The following MYCBP2 variants were observed in gnomAD, a reference collection of about 807,000 sequenced individuals.
MYCBP2 encodes the protein MYC binding protein 2.
MYCBP2 carries 120 observed loss-of-function variants against 525.3 expected under a neutral mutation model. The ratio of observed to expected loss-of-function variants is 0.23; its 90% CI spans 0.20 to 0.27. The LOEUF (loss-of-function observed/expected upper bound fraction) is 0.27, where lower values mean the gene tolerates loss of function less well. Ranked by LOEUF, MYCBP2 falls within the 10% of genes least tolerant of loss-of-function variation. The probability of loss-of-function intolerance (pLI) is 1.00; values close to 1 mark genes in which losing one functional copy is unlikely to be tolerated. For synonymous variants in MYCBP2, 1,894 were observed against 1,955.8 expected, an observed-to-expected ratio of 0.97 and a Z score of 0.83; for missense variants, 4,149 against 5,657.1, an observed-to-expected ratio of 0.73 and a Z score of 8.55.
At chr13:77,106,595 A>G (rs1286596563) in intron 55 of MYCBP2, among the ~76,000 whole-genome samples, 1 of 152,128 alleles carries the variant, frequency 6.6e-6, no homozygotes, top group Non-Finnish European at 1.5e-5. Context: ...CAGCAAAAAG[A>G]ATCTTTGGCA....
intron 63 of MYCBP2, 54 bp from the exon 64 acceptor site, chr13:77,082,047 T>A: frequency 6.5e-7 from 1 of 1,535,136 alleles, no homozygotes; most frequent in South Asian, 1.2e-5. Flanking sequence ...CAGGAACATC[T>A]AAGGAACTCT....
At chr13:77,186,087 G>A in intron 30 of MYCBP2, 24 bp from the exon 31 acceptor site, 2 of 1,490,816 alleles carry the variant, frequency 1.3e-6, no homozygotes, top group South Asian at 1.4e-5. Flanking sequence ...TGAAAAAACA[G>A]ACAACAATTA....
At chr13:77,102,578 A>C (rs1216661562) in intron 55 of MYCBP2, among the ~76,000 whole-genome samples, 4 of 151,466 alleles carry the variant, frequency 2.6e-5, no homozygotes, top group Non-Finnish European at 5.9e-5. Context: ...ACATATTTTT[A>C]AATTGTCTGA....
chr13:77,081,340 G>T lies in MYCBP2; in HGVS notation c.11418+87C>A. 1 of 1,132,586 alleles carries T rather than the reference G, an allele frequency of 8.8e-7. No homozygotes were observed. The highest frequency in any genetic ancestry group is 1.3e-6 in the Non-Finnish European group (1 of 776,064). The allele number at this position is 1,132,586 out of a possible 1,614,324, so 70.2% of individuals were successfully genotyped here. ...GGTTGGTGAAATTCCAGGTGATAAAGCTTGTTGCTAAATTCAGAAATGAAA... is the reference window on the plus strand; with the variant it reads ...GGTTGGTGAAATTCCAGGTGATAAATCTTGTTGCTAAATTCAGAAATGAAA... On this transcript the variant is annotated intron_variant, in intron 65 of 82. Coordinates refer to ENST00000544440, the MANE Select transcript of MYCBP2 (RefSeq NM_015057.5). The surrounding 1 kb of genome is among the most constrained non-coding windows in gnomAD (Gnocchi z 4.6).
At chr13:77,286,369 C>T (rs890952346) in intron 3 of MYCBP2, among the ~76,000 whole-genome samples, 3 of 152,024 alleles carry the variant, frequency 2.0e-5, no homozygotes, top group Admixed American at 6.6e-5. Context: ...AAGCAATATG[C>T]ATAAGTCATA....
chr13:77,215,272 T>G (rs1360286987), intron 21 of MYCBP2, among the ~76,000 whole-genome samples: 1 of 152,084 alleles, frequency 6.6e-6, no homozygotes, highest in Non-Finnish European at 1.5e-5. Context: ...CAATTTCCAC[T>G]GAAAGGAGTG....
chr13:77,171,048 G>T (rs1352557763), intron 38 of MYCBP2, among the ~76,000 whole-genome samples: 1 of 152,212 alleles, frequency 6.6e-6, no homozygotes, highest in Non-Finnish European at 1.5e-5. Context: ...AGAAGTGAAA[G>T]AGAGGAGAAT....
chr13:77,316,023 T>TA (rs953091618), intron 1 of MYCBP2, among the ~76,000 whole-genome samples: 9 of 152,048 alleles, frequency 5.9e-5, no homozygotes, highest in African/African-American at 4.8e-5. Context: ...CTTAATGATT[T>TA]AAAAAACTGT....
rs1057140555 is a variant in MYCBP2, at chr13:77,058,715, C to T, written c.13141-309G>A. On this transcript the variant is annotated intron_variant, in intron 77 of 82. Transcript: ENST00000544440. This position sits in a 1 kb window ranked among gnomAD's most constrained non-coding sequence, Gnocchi z 4.1. Reference sequence around the variant, plus strand: ...AAGCAAAAAGTTCCTGGCTGGGAGTCGTGGCTTACACCTGTAATCCCAGCA... The same window carrying T: ...AAGCAAAAAGTTCCTGGCTGGGAGTTGTGGCTTACACCTGTAATCCCAGCA... Among the ~76,000 whole-genome samples, 2 of 151,876 alleles carry T rather than the reference C, an allele frequency of 1.3e-5. No homozygotes were observed. The highest frequency in any genetic ancestry group is 1.5e-5 in the Non-Finnish European group (1 of 67,960).
intron 36 of MYCBP2, among the ~76,000 whole-genome samples, chr13:77,174,802 T>G (rs2059452607): frequency 6.8e-6 from 1 of 146,232 alleles, no homozygotes; most frequent in Non-Finnish European, 1.5e-5. Context: ...AGTAACTTGT[T>G]CAAAGTCACG....
intron 2 of MYCBP2, among the ~76,000 whole-genome samples, chr13:77,294,825 C>T (rs1021414972): frequency 1.3e-5 from 2 of 152,188 alleles, no homozygotes; most frequent in African/African-American, 2.4e-5. Flanking sequence ...CAACACTTTC[C>T]TTAGGGTAAC....
At chr13:77,294,105 T>TATATATATAC (rs2077789107) in intron 2 of MYCBP2, among the ~76,000 whole-genome samples, 1 of 7,928 alleles carries the variant, frequency 1.3e-4, no homozygotes, top group Non-Finnish European at 3.0e-4. Flanking sequence ...ATATAATGGC[T>TATATATATAC]ATATATATAT....
Position 77,140,261 on chromosome 13 carries a change from A to C in MYCBP2, c.7402-98T>G, listed in dbSNP as rs187514740. The C allele has an allele frequency of 4.0e-4, 270 of 667,920 alleles. 1 individual carries two copies. In the African/African-American group the frequency reaches 4.4e-3, roughly 11 times the overall value. 41.4% of individuals were successfully genotyped at this position (667,920 alleles called of 1,614,324 possible). On this transcript the variant is annotated intron_variant, in intron 50 of 82. Coordinates refer to ENST00000544440, the MANE Select transcript of MYCBP2 (RefSeq NM_015057.5). ...AATTAAGCAGGTTTGAAAGTATCGT[A>C]ATTCTTAATAAGGTTCCAGAATTAT...
chr13:77,232,167 T>C (rs892567602), intron 18 of MYCBP2, among the ~76,000 whole-genome samples: 9 of 152,210 alleles, frequency 5.9e-5, no homozygotes, highest in African/African-American at 1.9e-4. Context: ...TGGATTATAC[T>C]ATATTGCCTA....
intron 63 of MYCBP2, 153 bp from the exon 64 acceptor site, chr13:77,082,146 A>G (rs915287247): frequency 4.5e-6 from 3 of 667,532 alleles, no homozygotes; most frequent in African/African-American, 3.7e-5. Context: ...AATCATTCCT[A>G]TTGTTTTTGT....
Position 77,326,380 on chromosome 13 carries a change from C to T in MYCBP2, c.302+94G>A. 7.9e-7 allele frequency: 1 copy of T among 1,259,120 alleles called. No homozygotes were observed. The highest frequency in any genetic ancestry group is 1.1e-6 in the Non-Finnish European group (1 of 938,986). 78.0% of individuals were successfully genotyped at this position (1,259,120 alleles called of 1,614,324 possible). A position where few individuals can be genotyped will look rare whatever the true frequency, so the allele number is the denominator to read the frequency against. ...AAAGCTCAATAAATGCGCAGGTACA[C>T]ACACGCAAGCACACACACACGCGGG... is the stretch of plus-strand genomic sequence containing the variant. On this transcript the variant is annotated intron_variant, in intron 1 of 82. Coordinates refer to ENST00000544440, the MANE Select transcript of MYCBP2 (RefSeq NM_015057.5). The surrounding 1 kb of genome is among the most constrained non-coding windows in gnomAD (Gnocchi z 4.2).
In MYCBP2 at chr13:77,181,816, G is replaced by A. The variant is rs184644578; in HGVS notation, c.4826C>T (p.Ala1609Val). The part of the protein sequence containing the change: ...SVKLTSIFPI[A>V]YDGEVLLRSI... ...TCGTAGTAATACTTCTCCATCATAC[G>A]CAATCGGGAAGATGGAAGTCAGCTT... The change falls in exon 33 of 83, where the codon GCG becomes GTG. Residue 1609 changes from alanine to valine, a missense_variant. This residue lies in a region of MYCBP2 where 292 missense variants were observed against 330.5 expected (regional missense o/e 0.88). Coordinates refer to ENST00000544440, the MANE Select transcript of MYCBP2 (RefSeq NM_015057.5). The A allele has an allele frequency of 3.1e-6, 5 of 1,613,930 alleles. No homozygotes were observed. Among genetic ancestry groups the A allele is most frequent in the East Asian group, 2.2e-5 (1 of 44,876 alleles).
chr13:77,139,599 C>A (rs1399975775), intron 51 of MYCBP2, among the ~76,000 whole-genome samples: 2 of 152,142 alleles, frequency 1.3e-5, no homozygotes, highest in Admixed American at 1.3e-4. Context: ...CTTTAAGATA[C>A]ATAAACAGTA....
At position 77,097,947 on chromosome 13, in the gene MYCBP2, C is replaced by T; in HGVS notation, c.9207G>A (p.Arg3069=). ...PELSKEHAPI[R]SSLNSQQPTE... ...TAGGTTGTTGGCTATTTAAACTACT[C>T]CTTATAGGAGCATGTTCTTTGGAAA... is the stretch of plus-strand genomic sequence containing the variant. Residue 3069 remains arginine (R), a synonymous_variant, in exon 56 of 83, where the codon AGG becomes AGA. Coordinates refer to ENST00000544440, the MANE Select transcript of MYCBP2 (RefSeq NM_015057.5). 6.2e-7 allele frequency: 1 copy of T among 1,613,316 alleles called. No individual in the cohort carries two copies. The highest frequency in any genetic ancestry group is 8.5e-7 in the Non-Finnish European group (1 of 1,179,742).
Sources: gnomAD v4.1 joint callset for allele counts (sites outside exome capture counted in the v4.1 genomes callset) on GRCh38, gnomAD v4.1.1 for gene constraint, gnomAD v4.1.1 regional missense constraint, Gnocchi (gnomAD v3.1) non-coding constraint, MANE v1.5 for transcripts, NCBI Gene and HGNC (gene_info 2026-07-23, HGNC 2026-07-21) for gene names.